CDCA2: variants seen among roughly 807,000 people sequenced by gnomAD.
CDCA2 encodes the protein cell division cycle associated 2.
Under a neutral mutation model 67.0 loss-of-function variants are expected in CDCA2, and 44 were observed. The ratio of observed to expected loss-of-function variants is 0.66; its 90% CI spans 0.52 to 0.84. The LOEUF (loss-of-function observed/expected upper bound fraction) is 0.84. CDCA2 is among the 40% of genes least tolerant of loss of function. The probability of loss-of-function intolerance (pLI) is 0.00; values close to 1 mark genes in which losing one functional copy is unlikely to be tolerated. For missense variants in CDCA2, 1,253 were observed against 1,203.2 expected (o/e 1.04, Z -0.61); for synonymous variants, 447 against 418.7 (o/e 1.07, Z -0.82).
intron 11 of CDCA2, among the ~76,000 whole-genome samples, chr8:25,487,040 G>A (rs998696729): frequency 2.6e-5 from 4 of 151,148 alleles, no homozygotes; most frequent in Non-Finnish European, 2.9e-5. Context: ...GGAAAGTGGC[G>A]AAAGTTTCTG....
intron 13 of CDCA2, among the ~76,000 whole-genome samples, chr8:25,491,544 A>T (rs947634155): frequency 6.6e-6 from 1 of 151,894 alleles, no homozygotes; most frequent in East Asian, 1.9e-4. Flanking sequence ...GAAAATTTCA[A>T]CCGAGTATTC....
intron 7 of CDCA2, 60 bp downstream of exon 7, chr8:25,470,040 T>A (rs1803089709): frequency 8.7e-7 from 1 of 1,150,014 alleles, no homozygotes; most frequent in Non-Finnish European, 1.3e-6. Flanking sequence ...TTATGATTAG[T>A]GTACCTATTT....
intron 7 of CDCA2, among the ~76,000 whole-genome samples, chr8:25,477,249 A>T (rs796334195): frequency 6.6e-6 from 1 of 152,274 alleles, no homozygotes; most frequent in African/African-American, 2.4e-5. Flanking sequence ...CTCCTGTGAG[A>T]AGCCTTTTCC....
intron 11 of CDCA2, among the ~76,000 whole-genome samples, chr8:25,486,780 A>G (rs1389426202): frequency 3.9e-5 from 6 of 152,136 alleles, no homozygotes; most frequent in Non-Finnish European, 7.4e-5. Flanking sequence ...GCACCACTGC[A>G]CTCCAGCCTG....
intron 11 of CDCA2, 124 bp from the exon 12 acceptor site, chr8:25,487,122 T>G: frequency 1.6e-6 from 1 of 625,596 alleles, no homozygotes; most frequent in Admixed American, 3.4e-5. Context: ...GCTGCTTGGC[T>G]CCTCTTTTTT....
At chr8:25,464,147 G>A (rs1041907945) in intron 4 of CDCA2, among the ~76,000 whole-genome samples, 1 of 152,180 alleles carries the variant, frequency 6.6e-6, no homozygotes, top group South Asian at 2.1e-4. Context: ...GGGTATGGTG[G>A]CTCACACTGT....
intron 13 of CDCA2, among the ~76,000 whole-genome samples, chr8:25,502,188 C>T (rs763370793): frequency 6.6e-6 from 1 of 152,204 alleles, no homozygotes; most frequent in Non-Finnish European, 1.5e-5. Flanking sequence ...AGCCACCACG[C>T]CTGGCCTGTG....
intron 14 of CDCA2, 115 bp downstream of exon 14, chr8:25,503,659 A>T: frequency 2.0e-6 from 2 of 1,014,608 alleles, no homozygotes; most frequent in South Asian, 3.4e-5. Context: ...CGTAAATTTT[A>T]AAAAGCAATG....
chr8:25,474,838 C>T (rs2117499623), intron 7 of CDCA2, among the ~76,000 whole-genome samples: 1 of 152,284 alleles, frequency 6.6e-6, no homozygotes, highest in East Asian at 1.9e-4. Flanking sequence ...TGGGCAGGGC[C>T]TGAGGCTGTA....
In CDCA2 at chr8:25,466,187, C is replaced by G. The variant is rs773438439; in HGVS notation, c.400C>G (p.Leu134Val). Reference sequence around the variant, plus strand: ...TGCACTTTCACAGGGCAGCCCTGCACTGTATCGAAATGTTAACACTTTAAG... The same window carrying G: ...TGCACTTTCACAGGGCAGCCCTGCAGTGTATCGAAATGTTAACACTTTAAG... ...QDSPSQGSPALYRNVNTLRER... is the reference protein window; with the variant it reads ...QDSPSQGSPAVYRNVNTLRER... Residue 134 changes from leucine to valine, a missense_variant, in exon 5 of 15, where the codon CTG becomes GTG. Transcript: ENST00000330560. 6.2e-7 allele frequency: 1 copy of G among 1,610,024 alleles called. No homozygotes were observed. The highest frequency in any genetic ancestry group is 1.1e-5 in the South Asian group (1 of 90,070).
chr8:25,501,755 T>C (rs17053792), intron 13 of CDCA2, among the ~76,000 whole-genome samples: 7,814 of 152,262 alleles, frequency 0.051, 682 homozygotes, highest in African/African-American at 0.18. Context: ...TGGTCACTCC[T>C]TTACTTTACA....
chr8:25,486,020 T>C (rs1803762173), intron 11 of CDCA2, among the ~76,000 whole-genome samples, 183 bp downstream of exon 11: 1 of 152,222 alleles, frequency 6.6e-6, no homozygotes, highest in South Asian at 2.1e-4. Context: ...ATTCCAAGCC[T>C]CATACTTCAT....
At chr8:25,465,685 G>C (rs1802088449) in intron 4 of CDCA2, among the ~76,000 whole-genome samples, 2 of 152,168 alleles carry the variant, frequency 1.3e-5, no homozygotes, top group Admixed American at 1.3e-4. Flanking sequence ...GGAGAGCAGT[G>C]CAAGTGTAGT....
intron 13 of CDCA2, among the ~76,000 whole-genome samples, chr8:25,500,198 G>A (rs1215324460): frequency 6.6e-6 from 1 of 151,278 alleles, no homozygotes; most frequent in Admixed American, 6.6e-5. Flanking sequence ...CTGTGTGCTT[G>A]GCACTGTTGT....
At chr8:25,498,318 C>T (rs572467339) in intron 13 of CDCA2, among the ~76,000 whole-genome samples, 3 of 152,190 alleles carry the variant, frequency 2.0e-5, no homozygotes, top group Admixed American at 6.5e-5. Flanking sequence ...AGTGATTCTC[C>T]TGCCTCAGCC....
intron 12 of CDCA2, among the ~76,000 whole-genome samples, chr8:25,487,985 A>G (rs887171280): frequency 6.6e-6 from 1 of 152,156 alleles, no homozygotes; most frequent in African/African-American, 2.4e-5. Context: ...ATCTTTTTTA[A>G]ATTGTGCTTC....
chr8:25,459,230 G>C (rs1159025153), upstream of CDCA2: 1 of 152,712 alleles, frequency 6.5e-6, no homozygotes. Flanking sequence ...GGAGGAGGCG[G>C]GTGGAGGAGG....
At chr8:25,460,202 G>A (rs370419463) in intron 1 of CDCA2, 38 bp from the exon 2 acceptor site, 43 of 1,596,788 alleles carry the variant, frequency 2.7e-5, no homozygotes, top group Non-Finnish European at 3.5e-5. Context: ...TCATCTTGCT[G>A]GTGGGGTTAT....
chr8:25,482,263 A>G (rs1236152506), intron 8 of CDCA2, among the ~76,000 whole-genome samples: 1 of 152,254 alleles, frequency 6.6e-6, no homozygotes, highest in Non-Finnish European at 1.5e-5. Flanking sequence ...TAATGTAAAA[A>G]GATTCAAATA....
Sources: gnomAD v4.1 joint callset for allele counts (sites outside exome capture counted in the v4.1 genomes callset) on GRCh38, gnomAD v4.1.1 for gene constraint, MANE v1.5 for transcripts, NCBI Gene and HGNC (gene_info 2026-07-23, HGNC 2026-07-21) for gene names.